GLT8D2: variants seen among roughly 807,000 people sequenced by gnomAD.
The protein encoded by GLT8D2 is glycosyltransferase 8 domain-containing protein 2.
In GLT8D2, 45 loss-of-function variants were observed where a neutral mutation model predicts 44.5. The observed-to-expected ratio is 1.01, with a 90% CI of 0.80 to 1.30. GLT8D2 has a LOEUF of 1.30. Ranked by LOEUF, GLT8D2 falls within the 50% of genes most tolerant of loss-of-function variation. The probability of loss-of-function intolerance (pLI) is 0.00; values close to 1 mark genes in which losing one functional copy is unlikely to be tolerated. For synonymous variants in GLT8D2, 156 were observed against 157.2 expected (o/e 0.99, Z 0.06); for missense variants, 400 against 430.4 (o/e 0.93, Z 0.62).
intron 1 of GLT8D2, among the ~76,000 whole-genome samples, chr12:104,043,179 C>T (rs775371011): frequency 4.6e-5 from 7 of 152,172 alleles, no homozygotes; most frequent in Non-Finnish European, 1.0e-4. Flanking sequence ...GCTCCTACCT[C>T]CTGAATATCT....
upstream of GLT8D2, among the ~76,000 whole-genome samples, chr12:104,051,462 G>T (rs988744423): frequency 2.0e-5 from 3 of 152,000 alleles, no homozygotes; most frequent in Admixed American, 6.6e-5. Context: ...AATTTAATTT[G>T]TTTTGATACA....
intron 3 of GLT8D2, among the ~76,000 whole-genome samples, chr12:104,016,780 AAGGAAG>A (rs1876810689): frequency 6.2e-5 from 7 of 112,820 alleles, no homozygotes; most frequent in East Asian, 8.3e-4. Context: ...AGAAAGAAGG[AAGGAAG>A]GAAGGAAGGA....
chr12:104,022,483 G>A (rs1838136860), intron 1 of GLT8D2, among the ~76,000 whole-genome samples: 1 of 152,098 alleles, frequency 6.6e-6, no homozygotes, highest in Non-Finnish European at 1.5e-5. Flanking sequence ...TTGTCTCTGT[G>A]TTGAAGATTA....
chr12:104,016,770 AGAAAGAAG>A (rs1181468078), intron 3 of GLT8D2, among the ~76,000 whole-genome samples: 409 of 67,658 alleles, frequency 6.0e-3, no homozygotes, highest in African/African-American at 7.5e-3. Flanking sequence ...AAAGAAAGAA[AGAAAGAAG>A]GAAGGAAGGA....
At chr12:104,016,759 GAAAGAAAGAAAGAAA>G (rs1566199569) in intron 3 of GLT8D2, among the ~76,000 whole-genome samples, 107 of 95,856 alleles carry the variant, frequency 1.1e-3, no homozygotes, top group East Asian at 7.0e-3. Context: ...AAGAAAGAAA[GAAAGAAAGAAAGAAA>G]GAAGGAAGGA....
intron 6 of GLT8D2, among the ~76,000 whole-genome samples, chr12:103,999,068 T>C (rs531113105): frequency 5.3e-5 from 8 of 152,352 alleles, no homozygotes; most frequent in Middle Eastern, 3.4e-3. Flanking sequence ...TCCCAACAGC[T>C]GGTGGGTTTG....
At chr12:104,006,731 C>A (rs1875059311) in intron 4 of GLT8D2, among the ~76,000 whole-genome samples, 1 of 152,174 alleles carries the variant, frequency 6.6e-6, no homozygotes, top group African/African-American at 2.4e-5. Context: ...AAAAGCTTTG[C>A]TTTTCTCAAA....
intron 2 of GLT8D2, among the ~76,000 whole-genome samples, chr12:104,020,070 C>T (rs948971771): frequency 6.6e-6 from 1 of 152,088 alleles, no homozygotes; most frequent in African/African-American, 2.4e-5. Context: ...CAGGCATGCA[C>T]CACCACACCC....
At chr12:104,008,164 G>A (rs1359661909) in intron 4 of GLT8D2, among the ~76,000 whole-genome samples, 1 of 152,234 alleles carries the variant, frequency 6.6e-6, no homozygotes, top group East Asian at 1.9e-4. Flanking sequence ...GGTTGGAAGA[G>A]TTTGGAGGGG....
intron 4 of GLT8D2, 124 bp downstream of exon 4, chr12:104,014,889 C>A: frequency 1.5e-6 from 1 of 651,872 alleles, no homozygotes; most frequent in Non-Finnish European, 2.7e-6. Context: ...ATTCTACTAG[C>A]AGGTCCTTGG....
In GLT8D2 at chr12:103,997,446, AGTAC is replaced by A; in HGVS notation, c.487+1_487+4del. ...CCAAGTGTTCTTGGCAGTTAGCGAG[AGTAC>A]CTTGTACAATTACATCATCGTCCAA... is the stretch of plus-strand genomic sequence containing the variant. On this transcript the variant is annotated splice_donor_variant and splice_donor_region_variant and intron_variant, in intron 7 of 10. Coordinates refer to ENST00000360814, the MANE Select transcript of GLT8D2 (RefSeq NM_001384711.1). LOFTEE classifies it high-confidence loss of function. 6.3e-7 allele frequency: 1 copy of A among 1,599,572 alleles called. No individual in the cohort carries two copies. Among genetic ancestry groups the A allele is most frequent in the Non-Finnish European group, 8.6e-7 (1 of 1,166,756 alleles).
At chr12:104,063,847 G>A (rs2723863) in intron 1 of GLT8D2, 1 of 152,270 alleles carries the variant, frequency 6.6e-6, no homozygotes, top group Admixed American at 6.5e-5. Context: ...GAGGCACTTA[G>A]GGCATGCCAG....
intron 1 of GLT8D2, among the ~76,000 whole-genome samples, chr12:104,025,449 T>C: frequency 6.6e-6 from 1 of 152,138 alleles, no homozygotes; most frequent in Admixed American, 6.5e-5. Context: ...GCTCAAGTGA[T>C]CTGCCTGCCT....
chr12:104,029,759 G>A (rs906655491), intron 1 of GLT8D2: 1 of 151,990 alleles, frequency 6.6e-6, no homozygotes, highest in African/African-American at 2.4e-5. Context: ...GTGATTCTAG[G>A]GAAATAACTC....
intron 1 of GLT8D2, among the ~76,000 whole-genome samples, chr12:104,034,884 C>T (rs575405806): frequency 1.1e-4 from 17 of 152,312 alleles, no homozygotes; most frequent in Middle Eastern, 3.4e-3. Context: ...GAGACACCTC[C>T]CAGTAGGGGC....
intron 3 of GLT8D2, among the ~76,000 whole-genome samples, chr12:104,016,422 A>T (rs1242384644): frequency 2.6e-5 from 4 of 152,034 alleles, no homozygotes; most frequent in East Asian, 1.9e-4. Flanking sequence ...GGATCACTGG[A>T]GGCCAGGAGT....
intron 8 of GLT8D2, among the ~76,000 whole-genome samples, chr12:103,994,903 C>G (rs1873217301): frequency 6.6e-6 from 1 of 152,190 alleles, no homozygotes; most frequent in Non-Finnish European, 1.5e-5. Flanking sequence ...CAATCCTATC[C>G]CAAACCTGCT....
At chr12:104,002,972 C>CAGAG (rs879833080) in intron 5 of GLT8D2, among the ~76,000 whole-genome samples, 163 bp downstream of exon 5, 2 of 138,202 alleles carry the variant, frequency 1.4e-5, no homozygotes, top group Non-Finnish European at 1.5e-5. Context: ...GAGAGAAAGA[C>CAGAG]AGAGAGAGAG....
chr12:104,008,263 A>C (rs947214828), intron 4 of GLT8D2, among the ~76,000 whole-genome samples: 6 of 152,216 alleles, frequency 3.9e-5, no homozygotes, highest in African/African-American at 7.2e-5. Context: ...AGAGACATGG[A>C]CAATAAGGTT....
Sources: allele counts gnomAD v4.1 joint callset (sites outside exome capture counted in the v4.1 genomes callset), GRCh38; gene constraint gnomAD v4.1.1; transcripts MANE v1.5; gene names NCBI Gene and HGNC (gene_info 2026-07-23, HGNC 2026-07-21).